TAS1R1: variants seen among roughly 807,000 people sequenced by gnomAD.
TAS1R1 encodes taste receptor type 1 member 1.
A neutral mutation model predicts 45.8 loss-of-function variants in TAS1R1; 31 were observed. The observed-to-expected ratio is 0.68, with a 90% confidence interval of 0.51 to 0.91. The LOEUF is 0.91. TAS1R1 is among the 40% of genes least tolerant of loss of function. The pLI is 0.00. For synonymous variants in TAS1R1, 437 were observed against 448.4 expected, an observed-to-expected ratio of 0.97 and a Z score of 0.32; for missense variants, 1,051 against 1,063.9, an observed-to-expected ratio of 0.99 and a Z score of 0.17.
At chr1:6,567,086 TAAA>T in intron 1 of TAS1R1, among the ~76,000 whole-genome samples, 1 of 152,106 alleles carries the variant, frequency 6.6e-6, no homozygotes, top group Non-Finnish European at 1.5e-5. Flanking sequence ...TGAATTTGGC[TAAA>T]AGGTCTCAGC....
chr1:6,563,756 G>A (rs1639827935), intron 1 of TAS1R1, among the ~76,000 whole-genome samples: 1 of 152,114 alleles, frequency 6.6e-6, no homozygotes, highest in African/African-American at 2.4e-5. Context: ...AGGAGCGGTA[G>A]ATAGGCAAAG....
chr1:6,558,716 C>T (rs1052607757), intron 1 of TAS1R1, among the ~76,000 whole-genome samples: 3 of 149,494 alleles, frequency 2.0e-5, no homozygotes, highest in Non-Finnish European at 4.4e-5. Context: ...GAGACTCAGT[C>T]TAAAAAAAAA....
intron 2 of TAS1R1, among the ~76,000 whole-genome samples, chr1:6,573,192 C>G (rs759543724): frequency 6.6e-6 from 1 of 152,210 alleles, no homozygotes; most frequent in African/African-American, 2.4e-5. Context: ...GGCGCGGGGG[C>G]TCACGCCTGT....
In TAS1R1 at chr1:6,576,396, T is replaced by A; in HGVS notation, c.1261-19T>A. 2 of 1,613,058 alleles carry A rather than the reference T, an allele frequency of 1.2e-6. No homozygotes were observed. Among genetic ancestry groups the A allele is most frequent in the Non-Finnish European group, 1.7e-6 (2 of 1,178,958 alleles). On this transcript the variant is annotated intron_variant, in intron 3 of 5. Coordinates refer to ENST00000333172, the MANE Select transcript of TAS1R1 (RefSeq NM_138697.4). ...GTCTGTGCTGTCTGTGGTGGCTTCA[T>A]GATACGCGTTTCTTTCAGCTTTTGG...
rs780810198 is a variant in TAS1R1, at chr1:6,555,394, C to G, written c.21C>G (p.Arg7=). 10 of 1,601,930 alleles carry G rather than the reference C, an allele frequency of 6.2e-6. No individual in the cohort carries two copies. The highest frequency in any genetic ancestry group is 8.5e-6 in the Non-Finnish European group (10 of 1,175,832). MLLCTA[R]LVGLQLLISC... ...CCAGCATGCTGCTCTGCACGGCTCGCCTGGTCGGCCTGCAGCTTCTCATTT... is the reference window on the plus strand; with the variant it reads ...CCAGCATGCTGCTCTGCACGGCTCGGCTGGTCGGCCTGCAGCTTCTCATTT... The change falls in exon 1 of 6, where the codon CGC becomes CGG. Residue 7 remains arginine (R), a synonymous_variant. Coordinates refer to ENST00000333172, the MANE Select transcript of TAS1R1 (RefSeq NM_138697.4).
Position 6,579,221 on chromosome 1 carries a change from A to C in TAS1R1, c.2163A>C (p.Thr721=). ...RFPHLVMLEC[T]ETNSLGFILA... ...CCCATCTGGTGATGCTTGAGTGCAC[A>C]GAGACCAACTCCCTGGGCTTCATAC... Residue 721 remains threonine, a synonymous_variant, in exon 6 of 6, where the codon ACA becomes ACC. Coordinates refer to ENST00000333172, the MANE Select transcript of TAS1R1 (RefSeq NM_138697.4). 6.2e-7 allele frequency: 1 copy of C among 1,614,194 alleles called. No individual in the cohort carries two copies. Among genetic ancestry groups the C allele is most frequent in the Non-Finnish European group, 8.5e-7 (1 of 1,180,028 alleles).
At position 6,578,998 on chromosome 1, in the gene TAS1R1, C is replaced by T. The variant is rs1396426902; in HGVS notation, c.1940C>T (p.Ser647Phe). The change falls in exon 6 of 6, where the codon TCC becomes TTC. Residue 647 changes from serine to phenylalanine, a missense_variant. By Grantham distance (155) the Ser-to-Phe change is radical. Coordinates refer to ENST00000333172, the MANE Select transcript of TAS1R1 (RefSeq NM_138697.4). ...LFALGFTIFL[S>F]CLTVRSFQLI... The stretch of plus-strand genomic sequence containing the variant: ...GCCCTTGGTTTCACCATCTTCCTGT[C>T]CTGCCTGACAGTTCGCTCATTCCAA... 1.9e-6 allele frequency: 3 copies of T among 1,613,948 alleles called. No individual in the cohort carries two copies. Among genetic ancestry groups the T allele is most frequent in the African/African-American group, 1.3e-5 (1 of 74,930 alleles).
rs78567841 is a variant in TAS1R1, at chr1:6,558,369, T to A, written c.191+2805T>A. ...GCGTGTCAGATTGTCTAGGCTATAG[T>A]GCCTAGAGTTGTGTAGTCAAACATC... On this transcript the variant is annotated intron_variant, in intron 1 of 5. Transcript: ENST00000333172. Among the ~76,000 whole-genome samples the A allele has an allele frequency of 8.7e-3, 1,324 of 152,216 alleles. 20 individuals carry two copies. Among genetic ancestry groups the A allele is most frequent in the African/African-American group, 0.03 (1,256 of 41,506 alleles).
chr1:6,574,896 G>A lies in TAS1R1; in HGVS notation c.764G>A (p.Arg255Lys), dbSNP rs1216435179. Residue 255 changes from arginine to lysine, a missense_variant, in exon 3 of 6, where the codon AGG becomes AAG. By Grantham distance (26) the Arg-to-Lys change is conservative. Transcript: ENST00000333172. The surrounding 1 kb of genome is among the most constrained non-coding windows in gnomAD (Gnocchi z 4.3). Reference sequence around the variant, plus strand: ...TTCTCTGCCCAGGTGGGCGATGAGAGGATGCAGTGCCTCATGCGCCACCTG... The same window carrying A: ...TTCTCTGCCCAGGTGGGCGATGAGAAGATGCAGTGCCTCATGCGCCACCTG... The part of the protein sequence containing the change: ...MPFSAQVGDE[R>K]MQCLMRHLAQ... The A allele has an allele frequency of 6.2e-7, 1 of 1,614,218 alleles. No homozygotes were observed. Among genetic ancestry groups the A allele is most frequent in the Admixed American group, 1.7e-5 (1 of 60,032 alleles).
rs780404797 is a variant in TAS1R1, at chr1:6,576,576, T to A, written c.1422T>A (p.Val474=). The change falls in exon 4 of 6, where the codon GTT becomes GTA. Residue 474 remains valine (V), a synonymous_variant. Transcript: ENST00000333172. ...TCGGTTCCTCCACATGGTCTCCAGT[T>A]CAGCTAAACATAAATGAGACCAAAA... The part of the protein sequence containing the change: ...TVLGSSTWSP[V]QLNINETKIQ... 6.2e-7 allele frequency: 1 copy of A among 1,614,208 alleles called. No homozygotes were observed. Among genetic ancestry groups the A allele is most frequent in the South Asian group, 1.1e-5 (1 of 91,084 alleles).
At chr1:6,561,005 AG>A (rs1639778184) in intron 1 of TAS1R1, among the ~76,000 whole-genome samples, 8 of 147,448 alleles carry the variant, frequency 5.4e-5, no homozygotes, top group African/African-American at 2.1e-4. Context: ...AAAAAAAAAA[AG>A]AGGGGCGATG....
intron 1 of TAS1R1, among the ~76,000 whole-genome samples, chr1:6,564,259 T>C (rs1343418512): frequency 1.3e-5 from 2 of 152,056 alleles, no homozygotes; most frequent in Non-Finnish European, 2.9e-5. Context: ...GTTAAGAGTT[T>C]TTAAGAAGAC....
At chr1:6,562,236 C>T (rs61782505) in intron 1 of TAS1R1, among the ~76,000 whole-genome samples, 149,433 of 152,298 alleles carry the variant, frequency 0.98, 73,385 homozygotes, top group East Asian at 1. Flanking sequence ...TGCCGAGATC[C>T]CGGCTCACTG....
Position 6,571,017 on chromosome 1 carries a change from C to G in TAS1R1, c.300C>G (p.Tyr100Ter). 6.2e-7 allele frequency: 1 copy of G among 1,614,106 alleles called. No individual in the cohort carries two copies. The change falls in exon 2 of 6, where the codon TAC becomes TAG. Residue 100 changes from tyrosine (Y) to a stop codon, truncating the protein, a stop_gained. Transcript: ENST00000333172. LOFTEE classifies it high-confidence loss of function. ...TGCTGCCCAACATCACCCTGGGGTA[C>G]CAGCTGTATGATGTGTGTTCTGACT... Reference protein sequence around the residue: ...TALLPNITLGYQLYDVCSDSA... With the variant: ...TALLPNITLG
At chr1:6,575,970 A>C (rs984286395) in intron 3 of TAS1R1, among the ~76,000 whole-genome samples, 8 of 152,116 alleles carry the variant, frequency 5.3e-5, no homozygotes, top group Non-Finnish European at 8.8e-5. Flanking sequence ...CTGGGATTAC[A>C]GGCGTGAGCC....
At chr1:6,567,524 C>T (rs558863448) in intron 1 of TAS1R1, among the ~76,000 whole-genome samples, 8 of 150,366 alleles carry the variant, frequency 5.3e-5, no homozygotes, top group African/African-American at 1.7e-4. Context: ...TGCGCCACTG[C>T]ACTCCAGCCT....
In TAS1R1 at chr1:6,567,164, A is replaced by T. The variant is rs533090063; in HGVS notation, c.192-3745A>T. ...TATGAGAAAATGGTATTGAATAGGG[A>T]ACAAGTAAGAGGTCTGGTGGCACAT... On this transcript the variant is annotated intron_variant, in intron 1 of 5. Coordinates refer to ENST00000333172, the MANE Select transcript of TAS1R1 (RefSeq NM_138697.4). Among the ~76,000 whole-genome samples, 16 of 152,312 alleles carry T rather than the reference A, an allele frequency of 1.1e-4. 1 individual carries two copies. In the South Asian group the frequency reaches 3.3e-3, roughly 32 times the overall value.
At position 6,573,196 on chromosome 1, in the gene TAS1R1, C is replaced by T. The variant is rs186545713; in HGVS notation, c.499-1435C>T. Among the ~76,000 whole-genome samples, 113 of 152,302 alleles carry T rather than the reference C, an allele frequency of 7.4e-4. No individual in the cohort carries two copies. In the South Asian group the frequency reaches 0.021, roughly 28 times the overall value. On this transcript the variant is annotated intron_variant, in intron 2 of 5. Transcript: ENST00000333172. ...GCCGGGCACCGGGCGCGGGGGCTCA[C>T]GCCTGTAATCCCAGCACTTTGGGAG...
At position 6,555,583 on chromosome 1, in the gene TAS1R1, G is replaced by C. The variant is rs773164744; in HGVS notation, c.191+19G>C. The C allele has an allele frequency of 6.5e-7, 1 of 1,539,514 alleles. No homozygotes were observed. Among genetic ancestry groups the C allele is most frequent in the South Asian group, 1.2e-5 (1 of 83,736 alleles). ...GTGACAGGTGAGTGAGGGGCCAGCA[G>C]AGCCACACTTAGTGGGACCCCTGGC... On this transcript the variant is annotated intron_variant, in intron 1 of 5. Coordinates refer to ENST00000333172, the MANE Select transcript of TAS1R1 (RefSeq NM_138697.4).
Sources: gnomAD v4.1 joint callset for allele counts (sites outside exome capture counted in the v4.1 genomes callset) on GRCh38, gnomAD v4.1.1 for gene constraint, Gnocchi (gnomAD v3.1) non-coding constraint, MANE v1.5 for transcripts, NCBI Gene and HGNC (gene_info 2026-07-23, HGNC 2026-07-21) for gene names.